Variants in ZNF558 observed in about 807,000 individuals in gnomAD.
The protein encoded by ZNF558 is zinc finger protein 558.
Under a neutral mutation model 37.6 loss-of-function variants are expected in ZNF558, and 23 were observed. The ratio of observed to expected loss-of-function variants is 0.61; its 90% CI spans 0.44 to 0.87. ZNF558 has a LOEUF of 0.87. Among genes scored for constraint, ZNF558 ranks in the 40% least tolerant of loss-of-function variants. The pLI is 0.00. For missense variants in ZNF558, 429 were observed against 483.7 expected, an observed-to-expected ratio of 0.89 and a Z score of 1.06; for synonymous variants, 189 against 174.4, an observed-to-expected ratio of 1.08 and a Z score of -0.66.
rs1458419911 is a variant in ZNF558 at position 8,806,480 on chromosome 19, T to C, written c.*4801A>G. 1.3e-5 allele frequency: 2 copies of C among 152,084 alleles called. No individual in the cohort carries two copies. The highest frequency in any genetic ancestry group is 1.3e-4 in the Admixed American group (2 of 15,254). The allele number at this position is 152,084 out of a possible 1,614,324, so 9.4% of individuals were successfully genotyped here. A position where few individuals can be genotyped will look rare whatever the true frequency, so the allele number is the denominator to read the frequency against. On this transcript the variant is annotated 3_prime_UTR_variant, in exon 10 of 10. Coordinates refer to ENST00000601372, the MANE Select transcript of ZNF558 (RefSeq NM_144693.3). ...TTGGGAGACCGAGGTGGGCAAATCA[T>C]GTGAGGTCAAAGGATCGAGACCATC...
upstream of ZNF558, among the ~76,000 whole-genome samples, chr19:8,835,732 A>C (rs1303466491): frequency 6.6e-6 from 1 of 152,248 alleles, no homozygotes; most frequent in Non-Finnish European, 1.5e-5. Flanking sequence ...ATGAATGTTC[A>C]TAGCAGCATT....
chr19:8,826,142 G>A (rs1019495751), intron 2 of ZNF558, among the ~76,000 whole-genome samples: 4 of 152,038 alleles, frequency 2.6e-5, no homozygotes, highest in East Asian at 1.9e-4. Context: ...GATGAAAAAC[G>A]CAGGAAATGG....
rs2043793038 is a variant in ZNF558 at position 8,811,597 on chromosome 19, C to T, written c.893G>A (p.Gly298Glu). The T allele has an allele frequency of 6.2e-7, 1 of 1,613,840 alleles. No individual in the cohort carries two copies. The highest frequency in any genetic ancestry group is 1.3e-5 in the African/African-American group (1 of 74,872). The change falls in exon 10 of 10, where the codon GGG (glycine) becomes GAG (glutamate). Residue 298 changes from glycine to glutamate, a missense_variant. Coordinates refer to ENST00000601372, the MANE Select transcript of ZNF558 (RefSeq NM_144693.3). ...GEKPYECHDCGKTFRKSSYLT... is the reference protein window; with the variant it reads ...GEKPYECHDCEKTFRKSSYLT... ...ATAGGAGCTCTTCCTGAAGGTTTTC[C>T]CACAATCGTGACATTCATAAGGTTT...
chr19:8,823,443 C>A (rs2967728), intron 4 of ZNF558, among the ~76,000 whole-genome samples: 2,050 of 6,392 alleles, frequency 0.32, 95 homozygotes, highest in African/African-American at 0.45. Flanking sequence ...CGGTCACCCC[C>A]CTCCTGCCTC....
chr19:8,823,228 C>T (rs1000263113), intron 4 of ZNF558, among the ~76,000 whole-genome samples: 7 of 152,046 alleles, frequency 4.6e-5, no homozygotes, highest in Admixed American at 2.0e-4. Flanking sequence ...CCCAGAACAA[C>T]GTTCAGAAAC....
In ZNF558 at chr19:8,827,977, C is replaced by T. The variant is rs188149031; in HGVS notation, c.-508-2869G>A. ...AGGGCCTTTCCTTACACAGCTTCTT[C>T]GACGGCAGTGCTCTCTTGGACATAA... is the stretch of plus-strand genomic sequence containing the variant. On this transcript the variant is annotated intron_variant, in intron 2 of 9. Coordinates refer to ENST00000601372, the MANE Select transcript of ZNF558 (RefSeq NM_144693.3). Among the ~76,000 whole-genome samples, 655 of 152,282 alleles carry T rather than the reference C, an allele frequency of 4.3e-3. 1 individual carries two copies. The highest frequency in any genetic ancestry group is 0.015 in the African/African-American group (619 of 41,560).
chr19:8,808,889 CCTGT>C lies in ZNF558; in HGVS notation c.*2388_*2391del, dbSNP rs560802348. On this transcript the variant is annotated 3_prime_UTR_variant, in exon 10 of 10. Coordinates refer to ENST00000601372, the MANE Select transcript of ZNF558 (RefSeq NM_144693.3). Reference sequence around the variant, plus strand: ...CTACCTCCCAGGTTCAGGCAATTCTCCTGTCTCAGTTTCCCGAGTAGCTGGGAAT... The same window carrying C: ...CTACCTCCCAGGTTCAGGCAATTCTCCTCAGTTTCCCGAGTAGCTGGGAAT... 2.6e-5 allele frequency: 4 copies of C among 152,336 alleles called. No individual in the cohort carries two copies. The South Asian group carries it at 8.3e-4, about 32-fold the overall frequency. 9.4% of individuals were successfully genotyped at this position (152,336 alleles called of 1,614,324 possible).
chr19:8,812,477 C>A, intron 9 of ZNF558, 84 bp downstream of exon 9: 1 of 837,516 alleles, frequency 1.2e-6, no homozygotes, highest in South Asian at 2.4e-5. Context: ...TCCTTTAATG[C>A]CTCTCCTGGT....
Position 8,812,716 on chromosome 19 carries a change from G to A in ZNF558, c.344-73C>T, listed in dbSNP as rs184674707. 37 of 878,360 alleles carry A rather than the reference G, an allele frequency of 4.2e-5. No homozygotes were observed. In the East Asian group the frequency reaches 9.9e-4, roughly 23 times the overall value. 54.4% of individuals were successfully genotyped at this position (878,360 alleles called of 1,614,324 possible). A position where few individuals can be genotyped will look rare whatever the true frequency, so the allele number is the denominator to read the frequency against. On this transcript the variant is annotated intron_variant, in intron 8 of 9. Coordinates refer to ENST00000601372, the MANE Select transcript of ZNF558 (RefSeq NM_144693.3). ...AAAAGTGTACACATGAGTAAAGGCA[G>A]ATTCTGAGGGATCAGGGTTTTTGAG...
intron 2 of ZNF558, among the ~76,000 whole-genome samples, chr19:8,826,051 G>A (rs893492037): frequency 3.3e-5 from 5 of 152,154 alleles, no homozygotes; most frequent in Non-Finnish European, 7.3e-5. Context: ...ATAACATACA[G>A]AGAGACTGGA....
At chr19:8,831,767 A>T (rs899984305) in intron 1 of ZNF558, among the ~76,000 whole-genome samples, 2 of 150,174 alleles carry the variant, frequency 1.3e-5, no homozygotes, top group African/African-American at 4.9e-5. Context: ...AACTGCAGAG[A>T]TTTTTTTTTT....
intron 9 of ZNF558, 105 bp from the exon 10 acceptor site, chr19:8,812,168 T>A: frequency 8.7e-7 from 1 of 1,147,138 alleles, no homozygotes; most frequent in Non-Finnish European, 1.2e-6. Flanking sequence ...TTATTATAAT[T>A]GATATTTTGG....
At chr19:8,826,697 G>A (rs771402003) in intron 2 of ZNF558, among the ~76,000 whole-genome samples, 20 of 152,166 alleles carry the variant, frequency 1.3e-4, no homozygotes, top group African/African-American at 4.8e-4. Flanking sequence ...CAGGGGCTGG[G>A]GACTCCTGCT....
chr19:8,817,792 G>A (rs1005510301), intron 7 of ZNF558, among the ~76,000 whole-genome samples: 2 of 152,120 alleles, frequency 1.3e-5, no homozygotes, highest in African/African-American at 2.4e-5. Flanking sequence ...AAAATGTAAC[G>A]ATTATAAACA....
rs1266501604 is a variant in ZNF558, at chr19:8,807,033, C to T, written c.*4248G>A. On this transcript the variant is annotated 3_prime_UTR_variant, in exon 10 of 10. Coordinates refer to ENST00000601372, the MANE Select transcript of ZNF558 (RefSeq NM_144693.3). Reference sequence around the variant, plus strand: ...TTCTTGGTTATTTTAAAGTCTTTGTCTGCTAACTCCAATACCCAAATTGTC... The same window carrying T: ...TTCTTGGTTATTTTAAAGTCTTTGTTTGCTAACTCCAATACCCAAATTGTC... 6.6e-6 allele frequency: 1 copy of T among 152,160 alleles called. No individual in the cohort carries two copies. Among genetic ancestry groups the T allele is most frequent in the Non-Finnish European group, 1.5e-5 (1 of 68,026 alleles). 9.4% of individuals were successfully genotyped at this position (152,160 alleles called of 1,614,324 possible). A position where few individuals can be genotyped will look rare whatever the true frequency, so the allele number is the denominator to read the frequency against.
rs545427693 is a variant in ZNF558 at position 8,809,992 on chromosome 19, A to C, written c.*1289T>G. On this transcript the variant is annotated 3_prime_UTR_variant, in exon 10 of 10. Coordinates refer to ENST00000601372, the MANE Select transcript of ZNF558 (RefSeq NM_144693.3). ...ATACAAGAAAGAGAAGAATCACTGA[A>C]AAATTTTCCAATATTAATATACTCA... 6.6e-5 allele frequency: 10 copies of C among 152,308 alleles called. No individual in the cohort carries two copies. Among genetic ancestry groups the C allele is most frequent in the African/African-American group, 2.4e-4 (10 of 41,580 alleles). 9.4% of individuals were successfully genotyped at this position (152,308 alleles called of 1,614,324 possible).
At position 8,806,947 on chromosome 19, in the gene ZNF558, G is replaced by T. The variant is rs2043708719; in HGVS notation, c.*4334C>A. 1 of 152,116 alleles carries T rather than the reference G, an allele frequency of 6.6e-6. No individual in the cohort carries two copies. The highest frequency in any genetic ancestry group is 2.4e-5 in the African/African-American group (1 of 41,394). 9.4% of individuals were successfully genotyped at this position (152,116 alleles called of 1,614,324 possible). A position where few individuals can be genotyped will look rare whatever the true frequency, so the allele number is the denominator to read the frequency against. ...TCTTCTTTGGTTGTTTGGTAGATTT[G>T]CAGTTTGTCTCTCATTTTCTATGGT... On this transcript the variant is annotated 3_prime_UTR_variant, in exon 10 of 10. Coordinates refer to ENST00000601372, the MANE Select transcript of ZNF558 (RefSeq NM_144693.3).
chr19:8,821,343 C>A, intron 6 of ZNF558, 37 bp from the exon 7 acceptor site: 1 of 1,614,148 alleles, frequency 6.2e-7, no homozygotes, highest in South Asian at 1.1e-5. Context: ...AGCCAAGGAC[C>A]ACCCCCACCA....
At chr19:8,836,779 C>T (rs2044460632), upstream of ZNF558, among the ~76,000 whole-genome samples, 1 of 152,174 alleles carries the variant, frequency 6.6e-6, no homozygotes, top group South Asian at 2.1e-4. Context: ...GGCATGACCC[C>T]ATCGTATCCA....
Sources: allele counts gnomAD v4.1 joint callset (sites outside exome capture counted in the v4.1 genomes callset), GRCh38; gene constraint gnomAD v4.1.1; transcripts MANE v1.5; gene names NCBI Gene and HGNC (gene_info 2026-07-23, HGNC 2026-07-21).